The following RAB3C variants were observed in gnomAD, a reference collection of about 807,000 sequenced individuals.
RAB3C encodes the protein RAB3C, member RAS oncogene family, also known as ras-related protein Rab-3C.
RAB3C carries 17 observed loss-of-function variants against 26.4 expected under a neutral mutation model. The ratio of observed to expected loss-of-function variants is 0.64; its 90% CI spans 0.44 to 0.97. The LOEUF (loss-of-function observed/expected upper bound fraction) is 0.97, where lower values mean the gene tolerates loss of function less well. Ranked by LOEUF, RAB3C falls within the 50% of genes least tolerant of loss-of-function variation. The pLI, the probability that RAB3C is intolerant of heterozygous loss-of-function variation, is 0.00. For missense variants in RAB3C, 242 were observed against 281.9 expected, an observed-to-expected ratio of 0.86 and a Z score of 1.01; for synonymous variants, 91 against 95.9, an observed-to-expected ratio of 0.95 and a Z score of 0.30.
intron 4 of RAB3C, among the ~76,000 whole-genome samples, chr5:58,830,888 TTA>T (rs1454214378): frequency 6.6e-6 from 1 of 152,090 alleles, no homozygotes; most frequent in African/African-American, 2.4e-5. Context: ...TCTTTTTTTT[TTA>T]GAGATGGGAT....
chr5:58,776,121 T>C (rs1742135997), intron 3 of RAB3C, among the ~76,000 whole-genome samples: 1 of 152,106 alleles, frequency 6.6e-6, no homozygotes, highest in Admixed American at 6.6e-5. Flanking sequence ...TCTCAGCCAC[T>C]GTTTAGGTCA....
intron 1 of RAB3C, among the ~76,000 whole-genome samples, chr5:58,591,020 A>T (rs1746116806): frequency 6.6e-6 from 1 of 152,206 alleles, no homozygotes; most frequent in African/African-American, 2.4e-5. Context: ...CCATGGGTTT[A>T]AAAGTATATT....
At chr5:58,649,716 A>C (rs763172942) in intron 2 of RAB3C, among the ~76,000 whole-genome samples, 3 of 152,036 alleles carry the variant, frequency 2.0e-5, no homozygotes, top group Non-Finnish European at 2.9e-5. Context: ...TTTCCCTCTC[A>C]GTCTTCCTCC....
chr5:58,609,737 A>G (rs1746657033), intron 1 of RAB3C, among the ~76,000 whole-genome samples: 1 of 152,096 alleles, frequency 6.6e-6, no homozygotes, highest in East Asian at 1.9e-4. Flanking sequence ...ACATTCTCCT[A>G]TGAATCCCAT....
chr5:58,841,343 C>G (rs933792533), intron 4 of RAB3C, among the ~76,000 whole-genome samples: 1 of 152,162 alleles, frequency 6.6e-6, no homozygotes, highest in African/African-American at 2.4e-5. Flanking sequence ...TGTGCAGGAC[C>G]AGAGTCATAG....
At chr5:58,641,604 T>G (rs1219724359) in intron 2 of RAB3C, among the ~76,000 whole-genome samples, 2 of 152,138 alleles carry the variant, frequency 1.3e-5, no homozygotes, top group African/African-American at 4.8e-5. Context: ...TTACCCAGAG[T>G]GGCACATCTG....
Position 58,712,628 on chromosome 5 carries a change from G to A in RAB3C, c.253-13374G>A, listed in dbSNP as rs546450120. On this transcript the variant is annotated intron_variant, in intron 2 of 4. Coordinates refer to ENST00000282878, the MANE Select transcript of RAB3C (RefSeq NM_138453.4). ...CAACCTCTGCCTCCCGGGTTCAAGC[G>A]ATTCTCCTACCTCAGCCTCCCAAGT... Among the ~76,000 whole-genome samples the A allele has an allele frequency of 3.9e-5, 6 of 152,192 alleles. No homozygotes were observed. The South Asian group carries it at 1.0e-3, about 26-fold the overall frequency.
intron 2 of RAB3C, among the ~76,000 whole-genome samples, chr5:58,694,967 G>A (rs374990193): frequency 3.3e-5 from 5 of 152,086 alleles, no homozygotes; most frequent in Non-Finnish European, 5.9e-5. Context: ...GGCTTTTGTC[G>A]CCGTTGCTTT....
intron 3 of RAB3C, among the ~76,000 whole-genome samples, chr5:58,811,043 G>A (rs894401245): frequency 4.6e-5 from 7 of 152,172 alleles, no homozygotes; most frequent in African/African-American, 1.7e-4. Context: ...GACTTAATTT[G>A]AGCCTCTGAA....
intron 3 of RAB3C, among the ~76,000 whole-genome samples, chr5:58,787,755 C>T (rs1471171640): frequency 3.9e-5 from 6 of 152,142 alleles, no homozygotes; most frequent in Non-Finnish European, 8.8e-5. Flanking sequence ...GTCCCATTTG[C>T]ATCTAAGGAC....
intron 2 of RAB3C, among the ~76,000 whole-genome samples, chr5:58,671,783 G>C (rs1486290588): frequency 6.6e-6 from 1 of 152,130 alleles, no homozygotes; most frequent in Admixed American, 6.5e-5. Context: ...TGATAGCCAA[G>C]ATCTTTGCAA....
intron 2 of RAB3C, among the ~76,000 whole-genome samples, chr5:58,651,712 T>C (rs1484339789): frequency 6.6e-6 from 1 of 152,198 alleles, no homozygotes; most frequent in African/African-American, 2.4e-5. Context: ...ATTGAGAATA[T>C]GATCGTAATC....
At chr5:58,631,566 T>G (rs532513794) in intron 2 of RAB3C, among the ~76,000 whole-genome samples, 1 of 152,314 alleles carries the variant, frequency 6.6e-6, no homozygotes, top group East Asian at 1.9e-4. Context: ...CCTGGACTCT[T>G]CAGATTAGAG....
chr5:58,743,957 C>T (rs139230040), intron 3 of RAB3C, among the ~76,000 whole-genome samples: 7 of 152,202 alleles, frequency 4.6e-5, no homozygotes, highest in Non-Finnish European at 1.0e-4. Flanking sequence ...TTTCTTATGC[C>T]CTTACCTCTA....
intron 3 of RAB3C, among the ~76,000 whole-genome samples, chr5:58,780,124 G>T (rs1742239211): frequency 6.6e-6 from 1 of 152,146 alleles, no homozygotes. Flanking sequence ...GAGGTTAGCA[G>T]TGTCGTGGGC....
intron 1 of RAB3C, among the ~76,000 whole-genome samples, chr5:58,615,778 A>G (rs1421246254): frequency 6.6e-6 from 1 of 152,192 alleles, no homozygotes. Context: ...CTTATGTTTA[A>G]TAAGAAAATG....
intron 4 of RAB3C, among the ~76,000 whole-genome samples, chr5:58,833,758 A>C (rs1328517830): frequency 1.3e-5 from 2 of 152,220 alleles, no homozygotes; most frequent in Non-Finnish European, 2.9e-5. Context: ...AATACATTGA[A>C]AGAACTAGTC....
At chr5:58,636,382 T>C (rs1184812026) in intron 2 of RAB3C, among the ~76,000 whole-genome samples, 1 of 152,208 alleles carries the variant, frequency 6.6e-6, no homozygotes, top group Non-Finnish European at 1.5e-5. Context: ...TGGGTTCTGG[T>C]CAAGTATCCA....
chr5:58,836,160 T>C (rs573750614), intron 4 of RAB3C, among the ~76,000 whole-genome samples: 1 of 152,274 alleles, frequency 6.6e-6, no homozygotes, highest in African/African-American at 2.4e-5. Context: ...AAAATACCCT[T>C]AGAAAGGCTA....
Sources: gnomAD v4.1 joint callset for allele counts (sites outside exome capture counted in the v4.1 genomes callset) on GRCh38, gnomAD v4.1.1 for gene constraint, MANE v1.5 for transcripts, NCBI Gene and HGNC (gene_info 2026-07-23, HGNC 2026-07-21) for gene names.